The following STARD13 variants were observed in gnomAD, a reference collection of about 807,000 sequenced individuals.
STARD13 encodes the protein stAR-related lipid transfer protein 13.
A neutral mutation model predicts 106.4 loss-of-function variants in STARD13; 62 were observed. The ratio of observed to expected loss-of-function variants is 0.58; its 90% CI spans 0.48 to 0.72. The LOEUF is 0.72. Among genes scored for constraint, STARD13 ranks in the 30% least tolerant of loss-of-function variants. The pLI, the probability that STARD13 is intolerant of heterozygous loss-of-function variation, is 0.00. For synonymous variants in STARD13, 565 were observed against 553.0 expected (o/e 1.02, Z -0.31); for missense variants, 1,387 against 1,424.0 (o/e 0.97, Z 0.42).
chr13:33,111,856 A>T lies in STARD13; in HGVS notation c.2529T>A (p.Asp843Glu), dbSNP rs749203077. The stretch of plus-strand genomic sequence containing the variant: ...CCAGATTCTCGTTGAGGTCCTTTTG[A>T]TCTGGCTTCCCAGTGGCATATTTCT... ...IQKKYATGKP[D>E]QKDLNENLAA... The change falls in exon 10 of 14, where the codon GAT becomes GAA. Residue 843 changes from aspartate (D) to glutamate (E), a missense_variant. By Grantham distance (45) the Asp-to-Glu change is conservative (BLOSUM62 2). Coordinates refer to ENST00000336934, the MANE Select transcript of STARD13 (RefSeq NM_178006.4). 18 of 1,613,900 alleles carry T rather than the reference A, an allele frequency of 1.1e-5. No homozygotes were observed. In the Admixed American group the frequency reaches 3.0e-4, roughly 27 times the overall value.
At chr13:33,670,401 AT>A in the STARD13 span, among the ~76,000 whole-genome samples, 1 of 152,288 alleles carries the variant, frequency 6.6e-6, no homozygotes, top group South Asian at 2.1e-4. Context: ...ATCGCGTTGC[AT>A]TTTTTTGTCT....
the STARD13 span, among the ~76,000 whole-genome samples, chr13:33,394,681 C>G: frequency 6.6e-6 from 1 of 152,196 alleles, no homozygotes; most frequent in African/African-American, 2.4e-5. Flanking sequence ...ATTATCTTAA[C>G]CAGACTCTCT....
At chr13:33,221,123 A>G (rs1888335147) in intron 1 of STARD13, among the ~76,000 whole-genome samples, 1 of 152,222 alleles carries the variant, frequency 6.6e-6, no homozygotes, top group African/African-American at 2.4e-5. Context: ...AAATTGTACC[A>G]TGTTAACAAT....
At chr13:33,185,173 G>C (rs1368752792) in intron 1 of STARD13, among the ~76,000 whole-genome samples, 3 of 152,182 alleles carry the variant, frequency 2.0e-5, no homozygotes, top group African/African-American at 4.8e-5. Context: ...CTGCACTCTA[G>C]ACATTTATGA....
chr13:33,167,296 G>A (rs1883432894), intron 2 of STARD13, among the ~76,000 whole-genome samples: 1 of 152,168 alleles, frequency 6.6e-6, no homozygotes, highest in Non-Finnish European at 1.5e-5. Context: ...GAAGGAAAAC[G>A]TCGAGTTGGG....
At chr13:33,395,750 GTTTA>G in the STARD13 span, among the ~76,000 whole-genome samples, 3 of 152,098 alleles carry the variant, frequency 2.0e-5, no homozygotes, top group Non-Finnish European at 4.4e-5. Context: ...TTATTAATAA[GTTTA>G]TTTATTAACT....
chr13:33,110,446 A>G (rs1249045580), intron 11 of STARD13, among the ~76,000 whole-genome samples: 1 of 152,168 alleles, frequency 6.6e-6, no homozygotes, highest in Non-Finnish European at 1.5e-5. Context: ...TGACTTGCCC[A>G]ACATCACACA....
chr13:33,117,994 T>A, intron 8 of STARD13, 71 bp downstream of exon 8: 1 of 1,600,542 alleles, frequency 6.2e-7, no homozygotes, highest in South Asian at 1.1e-5. Flanking sequence ...TAAAACTCAA[T>A]CTATAGGGAA....
intron 3 of STARD13, among the ~76,000 whole-genome samples, chr13:33,144,781 G>A (rs1245626933): frequency 6.6e-6 from 1 of 152,154 alleles, no homozygotes; most frequent in Non-Finnish European, 1.5e-5. Flanking sequence ...GTTTGTTTAG[G>A]GGAGGATTGC....
chr13:33,194,777 C>A (rs759153186), intron 1 of STARD13, among the ~76,000 whole-genome samples: 3 of 152,098 alleles, frequency 2.0e-5, no homozygotes, highest in Non-Finnish European at 1.5e-5. Flanking sequence ...AAATCAGAAA[C>A]GAACAACTCA....
the STARD13 span, among the ~76,000 whole-genome samples, chr13:33,423,442 C>G: frequency 7.7e-3 from 1,166 of 151,456 alleles, 19 homozygotes; most frequent in African/African-American, 0.027. Context: ...AGTTAGGAAA[C>G]AGCAGGTGCT....
chr13:33,230,786 A>C (rs1471544185), intron 1 of STARD13, among the ~76,000 whole-genome samples: 1 of 152,262 alleles, frequency 6.6e-6, no homozygotes, highest in African/African-American at 2.4e-5. Context: ...CAGTTTATGC[A>C]AAGTACTCTT....
upstream of STARD13, among the ~76,000 whole-genome samples, chr13:33,286,105 A>G (rs1371255314): frequency 6.6e-6 from 1 of 152,084 alleles, no homozygotes; most frequent in African/African-American, 2.4e-5. Flanking sequence ...CGCTTTCTAC[A>G]GGGCAGCAGC....
chr13:33,327,383 A>G (rs540337267), intron 1 of STARD13, among the ~76,000 whole-genome samples: 1 of 152,080 alleles, frequency 6.6e-6, no homozygotes, highest in East Asian at 1.9e-4. Flanking sequence ...TTTTTTTAAA[A>G]TTTTTAGAGA....
chr13:33,240,450 G>A (rs1358941087), intron 1 of STARD13, among the ~76,000 whole-genome samples: 1 of 152,078 alleles, frequency 6.6e-6, no homozygotes, highest in Non-Finnish European at 1.5e-5. Context: ...GATAGGTATT[G>A]CACTGGATCT....
intron 1 of STARD13, among the ~76,000 whole-genome samples, chr13:33,343,360 A>T (rs1288817497): frequency 6.6e-6 from 1 of 151,578 alleles, no homozygotes; most frequent in Non-Finnish European, 1.5e-5. Flanking sequence ...ACATTGTTTG[A>T]GCCCAGGAGT....
chr13:33,364,861 C>A, the STARD13 span, among the ~76,000 whole-genome samples: 4 of 152,152 alleles, frequency 2.6e-5, no homozygotes, highest in African/African-American at 9.6e-5. Flanking sequence ...TGCACTCCAG[C>A]CTGGGAGACA....
the STARD13 span, among the ~76,000 whole-genome samples, chr13:33,673,550 C>CTT: frequency 1.5e-5 from 2 of 137,182 alleles, no homozygotes; most frequent in Non-Finnish European, 3.0e-5. Context: ...ACTATTAACT[C>CTT]TTTTTTTTTT....
In STARD13 at chr13:33,349,109, TC is replaced by T. The variant is rs1261676721; in HGVS notation, c.*39del. The T allele has an allele frequency of 4.3e-6, 3 of 702,146 alleles. No individual in the cohort carries two copies. The African/African-American group carries it at 5.2e-5, about 12-fold the overall frequency. 43.5% of individuals were successfully genotyped at this position (702,146 alleles called of 1,614,324 possible). On this transcript the variant is annotated 3_prime_UTR_variant, in exon 2 of 2. Coordinates refer to the STARD13 transcript ENST00000439831. ...GGAGGAGTTCAAAGAAGGTTAAATC[TC>T]CCGCTTCACCAGTGGTGTCCTTTCC...
Sources: gnomAD v4.1 joint callset for allele counts (sites outside exome capture counted in the v4.1 genomes callset) on GRCh38, gnomAD v4.1.1 for gene constraint, MANE v1.5 for transcripts, NCBI Gene and HGNC (gene_info 2026-07-23, HGNC 2026-07-21) for gene names.